Variants in ZNF84 observed in about 807,000 individuals in gnomAD.
ZNF84 encodes zinc finger protein 84.
Under a neutral mutation model 14.8 loss-of-function variants are expected in ZNF84, and 12 were observed. That is an observed-to-expected ratio of 0.81 (90% confidence interval 0.52 to 1.31). The LOEUF is 1.31. Ranked by LOEUF, ZNF84 falls within the 50% of genes most tolerant of loss-of-function variation. ZNF84 has a pLI of 0.00. For synonymous variants in ZNF84, 347 were observed against 291.1 expected (o/e 1.19, Z -1.96); for missense variants, 859 against 878.6 (o/e 0.98, Z 0.28).
intron 2 of ZNF84, among the ~76,000 whole-genome samples, chr12:133,044,090 T>A (rs1953936227): frequency 6.6e-6 from 1 of 152,026 alleles, no homozygotes; most frequent in East Asian, 1.9e-4. Flanking sequence ...CTAATGATTT[T>A]TCTTTAGATT....
In ZNF84 at chr12:133,059,273, C is replaced by T. The variant is rs1025341272; in HGVS notation, c.*341C>T. Reference sequence around the variant, plus strand: ...GGGATGAGGGAAAACCCCATGAATGCGGGAAATGAGGCAATATTTTTAAGA... The same window carrying T: ...GGGATGAGGGAAAACCCCATGAATGTGGGAAATGAGGCAATATTTTTAAGA... On this transcript the variant is annotated 3_prime_UTR_variant, in exon 5 of 5. Coordinates refer to ENST00000539354, the MANE Select transcript of ZNF84 (RefSeq NM_001289971.2). 152 of 376,324 alleles carry T rather than the reference C, an allele frequency of 4.0e-4. No homozygotes were observed. The highest frequency in any genetic ancestry group is 1.3e-3 in the South Asian group (10 of 7,786). The allele number at this position is 376,324 out of a possible 1,614,324, so 23.3% of individuals were successfully genotyped here. A position where few individuals can be genotyped will look rare whatever the true frequency, so the allele number is the denominator to read the frequency against.
At chr12:133,042,993 T>C (rs1485451610) in intron 2 of ZNF84, among the ~76,000 whole-genome samples, 2 of 152,206 alleles carry the variant, frequency 1.3e-5, no homozygotes, top group African/African-American at 2.4e-5. Context: ...TTCCTGACTT[T>C]ATAGTTCTGC....
At chr12:133,049,818 AT>A (rs1954043108) in intron 4 of ZNF84, among the ~76,000 whole-genome samples, 1 of 151,770 alleles carries the variant, frequency 6.6e-6, no homozygotes, top group South Asian at 2.1e-4. Context: ...TTGTTTAAAA[AT>A]TTTTTTTCTA....
intron 1 of ZNF84, 57 bp downstream of exon 1, chr12:133,037,602 G>A (rs1483782529): frequency 3.3e-5 from 5 of 152,238 alleles, no homozygotes; most frequent in African/African-American, 1.2e-4. Flanking sequence ...AATGGCGGGG[G>A]AGGCGCGCGG....
intron 1 of ZNF84, chr12:133,040,427 T>G (rs966094294): frequency 6.6e-6 from 1 of 151,734 alleles, no homozygotes; most frequent in Admixed American, 6.6e-5. Context: ...AACAGTTAGC[T>G]GGGCATGGAG....
rs1954287771 is a variant in ZNF84 at position 133,062,895 on chromosome 12, G to GAAAT, written c.*3964_*3967dup. 1.9e-6 allele frequency: 1 copy of GAAAT among 528,522 alleles called. No individual in the cohort carries two copies. The highest frequency in any genetic ancestry group is 3.4e-6 in the Non-Finnish European group (1 of 296,792). The allele number at this position is 528,522 out of a possible 1,614,324, so 32.7% of individuals were successfully genotyped here. On this transcript the variant is annotated 3_prime_UTR_variant, in exon 5 of 5. Coordinates refer to ENST00000539354, the MANE Select transcript of ZNF84 (RefSeq NM_001289971.2). Reference sequence around the variant, plus strand: ...CTTATGTTTTTGCAAATCTGCAATTGAAATGCCCTTGTTCCTTGTTAATGC... The same window carrying GAAAT: ...CTTATGTTTTTGCAAATCTGCAATTGAAATAAATGCCCTTGTTCCTTGTTAATGC...
At chr12:133,039,371 T>C (rs1355561595) in intron 1 of ZNF84, among the ~76,000 whole-genome samples, 1 of 152,186 alleles carries the variant, frequency 6.6e-6, no homozygotes, top group Non-Finnish European at 1.5e-5. Context: ...GACTCCAGGA[T>C]TTATGTTGTG....
chr12:133,047,172 CA>C (rs1953997495), intron 2 of ZNF84, among the ~76,000 whole-genome samples: 1 of 151,694 alleles, frequency 6.6e-6, no homozygotes, highest in Admixed American at 6.6e-5. Context: ...ATTGGTGGTT[CA>C]GGGGGTTTAA....
rs1017161253 is a variant in ZNF84 at position 133,060,296 on chromosome 12, G to C, written c.*1364G>C. 1 of 152,148 alleles carries C rather than the reference G, an allele frequency of 6.6e-6. No individual in the cohort carries two copies. Among genetic ancestry groups the C allele is most frequent in the Non-Finnish European group, 1.5e-5 (1 of 68,014 alleles). The allele number at this position is 152,148 out of a possible 1,614,324, so 9.4% of individuals were successfully genotyped here. The stretch of plus-strand genomic sequence containing the variant: ...AAAATCACATTTCTGAAGATGTAAA[G>C]TATTAGGGAATTTTGTGCTGGAAAA... On this transcript the variant is annotated 3_prime_UTR_variant, in exon 5 of 5. Coordinates refer to ENST00000539354, the MANE Select transcript of ZNF84 (RefSeq NM_001289971.2).
chr12:133,046,122 A>T lies in ZNF84; in HGVS notation c.16-1833A>T, dbSNP rs73423883. Among the ~76,000 whole-genome samples, 337 of 151,732 alleles carry T rather than the reference A, an allele frequency of 2.2e-3. 2 individuals carry two copies. Among genetic ancestry groups the T allele is most frequent in the African/African-American group, 8.0e-3 (330 of 41,368 alleles). ...TCTTTTTATCTTAGGAGACTTTGAG[A>T]CAGAAATCCATCTTGATCCAAAATC... On this transcript the variant is annotated intron_variant, in intron 2 of 4. Transcript: ENST00000539354.
intron 1 of ZNF84, among the ~76,000 whole-genome samples, chr12:133,039,879 T>C (rs1267898261): frequency 6.6e-6 from 1 of 151,640 alleles, no homozygotes; most frequent in Non-Finnish European, 1.5e-5. Flanking sequence ...GAGATGGAGT[T>C]TCCCTTTTGT....
At chr12:133,046,940 T>A (rs1953992379) in intron 2 of ZNF84, among the ~76,000 whole-genome samples, 1 of 140,362 alleles carries the variant, frequency 7.1e-6, no homozygotes, top group Non-Finnish European at 1.5e-5. Context: ...AATATAATAT[T>A]TATATTATAT....
rs964325671 is a variant in ZNF84, at chr12:133,045,582, C to T, written c.16-2373C>T. 7.9e-5 allele frequency among the ~76,000 whole-genome samples: 12 copies of T among 151,768 alleles called. No homozygotes were observed. The East Asian group carries it at 1.5e-3, about 20-fold the overall frequency. ...TGAGCCCAGGAGGCAGAGGTTACAG[C>T]GAGCTATAATTGTGCCACTGCACTG... On this transcript the variant is annotated intron_variant, in intron 2 of 4. Transcript: ENST00000539354.
intron 2 of ZNF84, among the ~76,000 whole-genome samples, chr12:133,046,354 T>G (rs1953978280): frequency 6.2e-3 from 6 of 966 alleles, no homozygotes; most frequent in Admixed American, 0.05. Context: ...ACAGTTTTTT[T>G]TTTTTTTTTT....
rs1355811534 is a variant in ZNF84, at chr12:133,048,746, T to C, written c.143-7T>C. The C allele has an allele frequency of 2.5e-6, 4 of 1,612,946 alleles. No individual in the cohort carries two copies. Among genetic ancestry groups the C allele is most frequent in the Non-Finnish European group, 3.4e-6 (4 of 1,179,242 alleles). On this transcript the variant is annotated splice_polypyrimidine_tract_variant and splice_region_variant and intron_variant, in intron 3 of 4. Transcript: ENST00000539354. ...GCCCAAGGCCTTTGTGATTTTTCCC[T>C]TAACAGGGTATGAAGTTATGAAACC...
In ZNF84 at chr12:133,059,099, T is replaced by G; in HGVS notation, c.*167T>G. 1 of 683,668 alleles carries G rather than the reference T, an allele frequency of 1.5e-6. No individual in the cohort carries two copies. Among genetic ancestry groups the G allele is most frequent in the South Asian group, 2.2e-5 (1 of 46,240 alleles). The allele number at this position is 683,668 out of a possible 1,614,324, so 42.4% of individuals were successfully genotyped here. ...GCCGATCATAATTCATAGAGTAGAG[T>G]GAACCTATGACTGCAGTGGATCTCA... On this transcript the variant is annotated 3_prime_UTR_variant, in exon 5 of 5. Coordinates refer to ENST00000539354, the MANE Select transcript of ZNF84 (RefSeq NM_001289971.2).
rs992072047 is a variant in ZNF84 at position 133,060,160 on chromosome 12, C to A, written c.*1228C>A. On this transcript the variant is annotated 3_prime_UTR_variant, in exon 5 of 5. Transcript: ENST00000539354. ...CTTAAGTGATATGTAACCCAAATGTCACTATTTTAATTTACTGTGATAAAG... is the reference window on the plus strand; with the variant it reads ...CTTAAGTGATATGTAACCCAAATGTAACTATTTTAATTTACTGTGATAAAG... The A allele has an allele frequency of 3.9e-5, 6 of 152,058 alleles. No homozygotes were observed. The highest frequency in any genetic ancestry group is 7.3e-5 in the African/African-American group (3 of 41,372). 9.4% of individuals were successfully genotyped at this position (152,058 alleles called of 1,614,324 possible). A position where few individuals can be genotyped will look rare whatever the true frequency, so the allele number is the denominator to read the frequency against.
chr12:133,059,052 T>A lies in ZNF84; in HGVS notation c.*120T>A. 1.0e-6 allele frequency: 1 copy of A among 972,516 alleles called. No homozygotes were observed. The allele number at this position is 972,516 out of a possible 1,614,324, so 60.2% of individuals were successfully genotyped here. A position where few individuals can be genotyped will look rare whatever the true frequency, so the allele number is the denominator to read the frequency against. On this transcript the variant is annotated 3_prime_UTR_variant, in exon 5 of 5. Coordinates refer to ENST00000539354, the MANE Select transcript of ZNF84 (RefSeq NM_001289971.2). Reference sequence around the variant, plus strand: ...TTGTACTCCATGAGGATGAGAACTCTAAATGAGGTGGTGTATGGAAAGCCG... The same window carrying A: ...TTGTACTCCATGAGGATGAGAACTCAAAATGAGGTGGTGTATGGAAAGCCG...
chr12:133,042,661 T>A (rs1316568807), intron 2 of ZNF84, among the ~76,000 whole-genome samples: 1 of 152,214 alleles, frequency 6.6e-6, no homozygotes, highest in Non-Finnish European at 1.5e-5. Context: ...AGAGAAACGC[T>A]AATAAACGCA....
Sources: allele counts gnomAD v4.1 joint callset (sites outside exome capture counted in the v4.1 genomes callset), GRCh38; gene constraint gnomAD v4.1.1; transcripts MANE v1.5; gene names NCBI Gene and HGNC (gene_info 2026-07-23, HGNC 2026-07-21).